The following PIF1 variants were observed in gnomAD, a reference collection of about 807,000 sequenced individuals.
The protein encoded by PIF1 is ATP-dependent DNA helicase PIF1.
PIF1 carries 67 observed loss-of-function variants against 62.3 expected under a neutral mutation model. That is an observed-to-expected ratio of 1.08 (90% CI 0.88 to 1.32). PIF1 has a LOEUF of 1.32. PIF1 is among the 40% of genes most tolerant of loss of function. PIF1 has a pLI of 0.00. For missense variants in PIF1, 886 were observed against 866.1 expected (o/e 1.02, Z -0.29); for synonymous variants, 364 against 379.5 (o/e 0.96, Z 0.47).
At chr15:64,825,998 G>C (rs949786412), upstream of PIF1, among the ~76,000 whole-genome samples, 2 of 152,184 alleles carry the variant, frequency 1.3e-5, no homozygotes, top group Admixed American at 6.5e-5. Context: ...CCCGCACACA[G>C]AGGCTGGGCT....
rs2141101939 is a variant in PIF1 at position 64,815,676 on chromosome 15, C to T, written c.*622G>A. The T allele has an allele frequency of 6.5e-7, 1 of 1,541,506 alleles. No individual in the cohort carries two copies. Among genetic ancestry groups the T allele is most frequent in the Non-Finnish European group, 8.8e-7 (1 of 1,142,428 alleles). On this transcript the variant is annotated 3_prime_UTR_variant, in exon 13 of 13. Transcript: ENST00000559239. ...TTTATTTGTCCGAAATAAATACAAC[C>T]TGAGAACATCCATTTCAATGTCCCC...
At chr15:64,822,704 C>T in intron 2 of PIF1, 94 bp from the exon 3 acceptor site, 2 of 1,545,074 alleles carry the variant, frequency 1.3e-6, no homozygotes, top group Non-Finnish European at 8.7e-7. Flanking sequence ...GCCTGGTAAC[C>T]CTTTGTCCTC....
rs2084185790 is a variant in PIF1 at position 64,816,518 on chromosome 15, T to C, written c.1866+56A>G. 1.9e-6 allele frequency: 3 copies of C among 1,604,366 alleles called. No homozygotes were observed. In the African/African-American group the frequency reaches 4.0e-5, roughly 22 times the overall value. The stretch of plus-strand genomic sequence containing the variant: ...TCCCACTGGGCCGGCGCTCCCTCTG[T>C]CCTAGCTCCCACCCTGCCCGTGGCC... On this transcript the variant is annotated intron_variant, in intron 12 of 12. Transcript: ENST00000559239.
chr15:64,820,869 C>G (rs534642444), intron 7 of PIF1, 113 bp downstream of exon 7: 17 of 930,540 alleles, frequency 1.8e-5, no homozygotes, highest in Non-Finnish European at 2.7e-5. Context: ...GCATGGAGTG[C>G]TTGCTCCTGA....
rs2084323271 is a variant in PIF1 at position 64,823,803 on chromosome 15, G to A, written c.533C>T (p.Pro178Leu). The A allele has an allele frequency of 7.4e-7, 1 of 1,344,910 alleles. No individual in the cohort carries two copies. The highest frequency in any genetic ancestry group is 9.6e-7 in the Non-Finnish European group (1 of 1,038,572). The allele number at this position is 1,344,910 out of a possible 1,614,324, so 83.3% of individuals were successfully genotyped here. A position where few individuals can be genotyped will look rare whatever the true frequency, so the allele number is the denominator to read the frequency against. ...DTTLVKRPVE[P>L]QAGAEPSTEA... The stretch of plus-strand genomic sequence containing the variant: ...TGTGCTAGGCTCGGCCCCAGCCTGG[G>A]GCTCCACAGGCCGCTTCACCAGCGT... The change falls in exon 2 of 13, where the codon CCC becomes CTC. Residue 178 changes from proline (P) to leucine (L), a missense_variant. Coordinates refer to ENST00000559239, the MANE Select transcript of PIF1 (RefSeq NM_001286496.2).
chr15:64,826,665 T>TATATATATACAC (rs796684934), upstream of PIF1, among the ~76,000 whole-genome samples: 565 of 42,562 alleles, frequency 0.013, 17 homozygotes, highest in East Asian at 0.037. Context: ...TATATATATA[T>TATATATATACAC]ACACACACAC....
chr15:64,819,942 T>C lies in PIF1; in HGVS notation c.1238A>G (p.His413Arg). The C allele has an allele frequency of 6.2e-7, 1 of 1,614,176 alleles. No individual in the cohort carries two copies. Among genetic ancestry groups the C allele is most frequent in the East Asian group, 2.2e-5 (1 of 44,876 alleles). ...CACAATCCCATCTCGCCCCACCTTGTGGGAAGCTGTGGCCTGGAGCTGGCG... is the reference window on the plus strand; with the variant it reads ...CACAATCCCATCTCGCCCCACCTTGCGGGAAGCTGTGGCCTGGAGCTGGCG... Reference protein sequence around the residue: ...VTRQLQATASHKVGRDGIVAT... With the variant: ...VTRQLQATASRKVGRDGIVAT... Residue 413 changes from histidine (H) to arginine (R), a missense_variant, in exon 8 of 13, where the codon CAC becomes CGC. Transcript: ENST00000559239.
chr15:64,815,913 G>A lies in PIF1; in HGVS notation c.*385C>T, dbSNP rs536848451. The stretch of plus-strand genomic sequence containing the variant: ...CTCCAAGAGCCCTGATGCTGCTTCC[G>A]GAGCACCTGTCTTCATTGCCTCTCC... On this transcript the variant is annotated 3_prime_UTR_variant, in exon 13 of 13. Transcript: ENST00000559239. 148 of 1,550,366 alleles carry A rather than the reference G, an allele frequency of 9.5e-5. No homozygotes were observed. Among genetic ancestry groups the A allele is most frequent in the Non-Finnish European group, 1.2e-4 (136 of 1,146,982 alleles).
At chr15:64,826,643 T>C (rs1361723991), upstream of PIF1, among the ~76,000 whole-genome samples, 47 of 31,236 alleles carry the variant, frequency 1.5e-3, 4 homozygotes, top group South Asian at 0.016. Flanking sequence ...TATATATATA[T>C]ATATATATAT....
At chr15:64,821,342 C>G in intron 5 of PIF1, 25 bp downstream of exon 5, 1 of 1,613,952 alleles carries the variant, frequency 6.2e-7, no homozygotes, top group Non-Finnish European at 8.5e-7. Flanking sequence ...CCAGTTCTCA[C>G]CTGCTGCCCT....
In PIF1 at chr15:64,821,507, G is replaced by C; in HGVS notation, c.831C>G (p.Gly277=). The part of the protein sequence containing the change: ...TLHAFAGIGS[G]QAPLAQCVAL... ...CCACACACTGGGCTAGAGGAGCCTG[G>C]CCTGAGCCGATGCCTGTGAGTGACA... Residue 277 remains glycine, a synonymous_variant, in exon 5 of 13, where the codon GGC becomes GGG. Transcript: ENST00000559239. 2 of 1,606,370 alleles carry C rather than the reference G, an allele frequency of 1.2e-6. No homozygotes were observed. The highest frequency in any genetic ancestry group is 1.3e-5 in the African/African-American group (1 of 74,572).
intron 9 of PIF1, 167 bp from the exon 10 acceptor site, chr15:64,818,511 T>A (rs2084230622): frequency 3.2e-6 from 2 of 621,830 alleles, no homozygotes; most frequent in Non-Finnish European, 2.8e-6. Flanking sequence ...CAAGTTGCCT[T>A]ATCTTCCTCG....
At position 64,819,969 on chromosome 15, in the gene PIF1, G is replaced by A. The variant is rs377669273; in HGVS notation, c.1211C>T (p.Thr404Ile). 6.8e-6 allele frequency: 11 copies of A among 1,613,858 alleles called. No individual in the cohort carries two copies. Among genetic ancestry groups the A allele is most frequent in the African/African-American group, 1.3e-5 (1 of 74,942 alleles). The change falls in exon 8 of 13, where the codon ACC becomes ATC. Residue 404 changes from threonine (T) to isoleucine (I), a missense_variant. Coordinates refer to ENST00000559239, the MANE Select transcript of PIF1 (RefSeq NM_001286496.2). ...VRLGRCSDEV[T>I]RQLQATASHK... ...GGAAGCTGTGGCCTGGAGCTGGCGG[G>A]TCACCTCATCTGAACACCTGTTGGG...
intron 10 of PIF1, 38 bp downstream of exon 10, chr15:64,818,219 G>GC (rs748225772): frequency 1.9e-6 from 3 of 1,612,282 alleles, no homozygotes; most frequent in Non-Finnish European, 2.5e-6. Flanking sequence ...ATGCTGCAAA[G>GC]CCCCGTAGCA....
chr15:64,817,894 T>C, intron 11 of PIF1, 52 bp downstream of exon 11: 3 of 1,569,422 alleles, frequency 1.9e-6, no homozygotes, highest in Non-Finnish European at 2.6e-6. Context: ...GACTGCAACA[T>C]GCCTGACCTC....
intron 4 of PIF1, chr15:64,821,747 T>C: frequency 2.0e-6 from 1 of 502,590 alleles, no homozygotes; most frequent in South Asian, 2.8e-5. Context: ...AATTTTGTTT[T>C]GTTTTGTTTT....
Position 64,819,044 on chromosome 15 carries a change from G to C in PIF1, c.1440+73C>G, listed in dbSNP as rs565448786. 6.3e-5 allele frequency: 74 copies of C among 1,175,384 alleles called. No homozygotes were observed. In the South Asian group the frequency reaches 1.1e-3, roughly 18 times the overall value. The allele number at this position is 1,175,384 out of a possible 1,614,324, so 72.8% of individuals were successfully genotyped here. Reference sequence around the variant, plus strand: ...CACTGGCTGCAGAGTGGCCTGGGCAGAGGGGTAGGGATCAGCAAGGCCCAT... The same window carrying C: ...CACTGGCTGCAGAGTGGCCTGGGCACAGGGGTAGGGATCAGCAAGGCCCAT... On this transcript the variant is annotated intron_variant, in intron 9 of 12. Coordinates refer to ENST00000559239, the MANE Select transcript of PIF1 (RefSeq NM_001286496.2).
intron 9 of PIF1, chr15:64,818,720 A>G (rs1052753022): frequency 1.3e-5 from 4 of 300,070 alleles, no homozygotes; most frequent in Non-Finnish European, 1.9e-5. Flanking sequence ...CTGTGCCTGC[A>G]TTTTCCCCTT....
chr15:64,820,131 C>A, intron 7 of PIF1, 145 bp from the exon 8 acceptor site: 1 of 971,964 alleles, frequency 1.0e-6, no homozygotes, highest in Admixed American at 2.5e-5. Context: ...CCCCCTCAAG[C>A]TGGCCAACCT....
Sources: gnomAD v4.1 joint callset for allele counts (sites outside exome capture counted in the v4.1 genomes callset) on GRCh38, gnomAD v4.1.1 for gene constraint, MANE v1.5 for transcripts, NCBI Gene and HGNC (gene_info 2026-07-23, HGNC 2026-07-21) for gene names.